CDH13: variants seen among roughly 807,000 people sequenced by gnomAD.
The protein encoded by CDH13 is cadherin 13.
Under a neutral mutation model 63.8 loss-of-function variants are expected in CDH13, and 24 were observed. The ratio of observed to expected loss-of-function variants is 0.38; its 90% CI spans 0.27 to 0.53. The LOEUF (loss-of-function observed/expected upper bound fraction) is 0.53, where lower values mean the gene tolerates loss of function less well. CDH13 is among the 20% of genes least tolerant of loss of function. The pLI, the probability that CDH13 is intolerant of heterozygous loss-of-function variation, is 0.85. For synonymous variants in CDH13, 503 were observed against 355.3 expected (o/e 1.42, Z -4.67); for missense variants, 1,049 against 903.1 (o/e 1.16, Z -2.07).
intron 3 of CDH13, among the ~76,000 whole-genome samples, chr16:83,105,343 C>G (rs1395784177): frequency 6.6e-6 from 1 of 152,198 alleles, no homozygotes; most frequent in Admixed American, 6.5e-5. Flanking sequence ...TGACATCCAC[C>G]ATCATCTGCA....
At chr16:83,388,713 C>A (rs989410613) in intron 6 of CDH13, among the ~76,000 whole-genome samples, 2 of 152,168 alleles carry the variant, frequency 1.3e-5, no homozygotes, top group East Asian at 3.8e-4. Context: ...AAGGGCACAG[C>A]AGGTGTGTGT....
chr16:83,053,559 A>T (rs896537234), intron 3 of CDH13, among the ~76,000 whole-genome samples: 1 of 152,212 alleles, frequency 6.6e-6, no homozygotes, highest in Admixed American at 6.5e-5. Context: ...TTAAAGCAAT[A>T]GATATATGTT....
intron 1 of CDH13, among the ~76,000 whole-genome samples, chr16:82,742,449 G>C (rs1187269967): frequency 2.0e-5 from 3 of 152,114 alleles, no homozygotes; most frequent in Admixed American, 6.5e-5. Context: ...AACTGGGCTT[G>C]TGTGAGCTCT....
chr16:83,319,754 G>T (rs2090181633), intron 5 of CDH13, among the ~76,000 whole-genome samples: 1 of 152,178 alleles, frequency 6.6e-6, no homozygotes, highest in African/African-American at 2.4e-5. Context: ...CAAGAAAGGA[G>T]TTGTGAATGG....
chr16:83,539,514 A>C (rs1343253494), intron 7 of CDH13, among the ~76,000 whole-genome samples: 1 of 152,200 alleles, frequency 6.6e-6, no homozygotes, highest in Admixed American at 6.5e-5. Flanking sequence ...AAGGCTGAAA[A>C]CTTGCAGAAA....
At position 82,673,157 on chromosome 16, in the gene CDH13, T is replaced by C. The variant is rs142069756; in HGVS notation, c.45+46020T>C. On this transcript the variant is annotated intron_variant, in intron 1 of 13. Transcript: ENST00000567109. ...GTGCCCAGCCCCAGGAAACATGTTT[T>C]ATTTCTTGTGCCCCCATCAGTGTTC... Among the ~76,000 whole-genome samples the C allele has an allele frequency of 4.6e-3, 702 of 152,092 alleles. 5 individuals carry two copies. Among genetic ancestry groups the C allele is most frequent in the African/African-American group, 0.016 (681 of 41,486 alleles).
At chr16:83,585,127 C>T (rs535624523) in intron 7 of CDH13, among the ~76,000 whole-genome samples, 12 of 152,282 alleles carry the variant, frequency 7.9e-5, no homozygotes, top group Non-Finnish European at 1.2e-4. Context: ...GCTGCAGACA[C>T]GTGTCTCTGG....
intron 2 of CDH13, among the ~76,000 whole-genome samples, chr16:82,968,351 G>T (rs1380493243): frequency 6.6e-6 from 1 of 152,128 alleles, no homozygotes. Flanking sequence ...AATTTTCCAA[G>T]AAGGCCTCAG....
At chr16:83,686,148 A>T (rs1167367710) in intron 10 of CDH13, among the ~76,000 whole-genome samples, 4 of 152,190 alleles carry the variant, frequency 2.6e-5, no homozygotes, top group Non-Finnish European at 5.9e-5. Context: ...TGTGAATCAG[A>T]ACGCCGGAGC....
intron 3 of CDH13, among the ~76,000 whole-genome samples, chr16:83,035,653 C>A (rs557590024): frequency 6.6e-6 from 1 of 152,266 alleles, no homozygotes; most frequent in South Asian, 2.1e-4. Flanking sequence ...ATGAGCTGGA[C>A]TTTGAAGGAC....
intron 10 of CDH13, among the ~76,000 whole-genome samples, chr16:83,693,083 G>A (rs1200073154): frequency 2.0e-5 from 3 of 151,886 alleles, no homozygotes; most frequent in Admixed American, 6.6e-5. Context: ...ACTCCATCTC[G>A]AAGAAAAAAA....
chr16:83,124,896 T>C (rs2151643548), intron 3 of CDH13, among the ~76,000 whole-genome samples: 1 of 152,332 alleles, frequency 6.6e-6, no homozygotes, highest in South Asian at 2.1e-4. Context: ...TTTATACCAG[T>C]ACCATCCTGT....
At position 83,684,194 on chromosome 16, in the gene CDH13, C is replaced by T. The variant is rs377667991; in HGVS notation, c.1538+5733C>T. Among the ~76,000 whole-genome samples the T allele has an allele frequency of 1.1e-4, 16 of 152,152 alleles. No individual in the cohort carries two copies. The South Asian group carries it at 2.3e-3, about 22-fold the overall frequency. Reference sequence around the variant, plus strand: ...CCAGCCTGGCCAACATGACGAAACGCCATCTCTACTAAAAATACAAAAATT... The same window carrying T: ...CCAGCCTGGCCAACATGACGAAACGTCATCTCTACTAAAAATACAAAAATT... On this transcript the variant is annotated intron_variant, in intron 10 of 13. Coordinates refer to ENST00000567109, the MANE Select transcript of CDH13 (RefSeq NM_001257.5).
At chr16:83,408,087 A>G (rs1391762089) in intron 6 of CDH13, among the ~76,000 whole-genome samples, 1 of 152,186 alleles carries the variant, frequency 6.6e-6, no homozygotes, top group Non-Finnish European at 1.5e-5. Context: ...GTTGGGGACA[A>G]CGTTCAGAAT....
rs61647390 is a variant in CDH13, at chr16:83,260,097, TACACACACACACACACACACACACAC to T, written c.636+42621_636+42646del. On this transcript the variant is annotated intron_variant, in intron 5 of 13. Coordinates refer to ENST00000567109, the MANE Select transcript of CDH13 (RefSeq NM_001257.5). ...TTTTTTTGTAACCATGTACCCCCAA[TACACACACACACACACACACACACAC>T]ACACACACACACACACACACGCTCT... Among the ~76,000 whole-genome samples the T allele has an allele frequency of 1.8e-3, 230 of 126,524 alleles. 3 individuals are homozygous for T. The highest frequency in any genetic ancestry group is 6.0e-3 in the African/African-American group (206 of 34,116). The allele number at this position is 126,524 out of a possible 152,430, so 83.0% of individuals were successfully genotyped here.
chr16:83,256,844 C>CAAA (rs57312967), intron 5 of CDH13, among the ~76,000 whole-genome samples: 2 of 78,714 alleles, frequency 2.5e-5, no homozygotes, highest in African/African-American at 4.8e-5. Flanking sequence ...GACTCCATCT[C>CAAA]AAAAAAAAAA....
intron 1 of CDH13, among the ~76,000 whole-genome samples, chr16:82,688,514 A>G (rs1915314059): frequency 6.6e-6 from 1 of 152,212 alleles, no homozygotes. Flanking sequence ...CTCTGGTTGC[A>G]TTTTCCATCA....
At chr16:82,918,506 CT>C (rs34099579) in intron 2 of CDH13, among the ~76,000 whole-genome samples, 31,897 of 119,494 alleles carry the variant, frequency 0.27, 2,788 homozygotes, top group Non-Finnish European at 0.36. Flanking sequence ...TACACTTTCA[CT>C]TTTTTTTTTT....
chr16:83,043,977 G>A (rs1170418403), intron 3 of CDH13, among the ~76,000 whole-genome samples: 2 of 152,076 alleles, frequency 1.3e-5, no homozygotes, highest in African/African-American at 4.8e-5. Context: ...TACTTAATAA[G>A]CACAAGCAGT....
Sources: gnomAD v4.1 joint callset for allele counts (sites outside exome capture counted in the v4.1 genomes callset) on GRCh38, gnomAD v4.1.1 for gene constraint, MANE v1.5 for transcripts, NCBI Gene and HGNC (gene_info 2026-07-23, HGNC 2026-07-21) for gene names.